ADAM18: variants seen among roughly 807,000 people sequenced by gnomAD.
ADAM18 encodes the protein disintegrin and metalloproteinase domain-containing protein 18.
ADAM18 carries 117 observed loss-of-function variants against 94.4 expected under a neutral mutation model. The ratio of observed to expected loss-of-function variants is 1.24; its 90% CI spans 1.07 to 1.45. The LOEUF is 1.45. ADAM18 is among the 40% of genes most tolerant of loss of function. The pLI is 0.00. For missense variants in ADAM18, 936 were observed against 880.0 expected (o/e 1.06, Z -0.81); for synonymous variants, 327 against 291.6 (o/e 1.12, Z -1.24).
At chr8:39,624,837 A>G (rs1034551912) in intron 6 of ADAM18, among the ~76,000 whole-genome samples, 2 of 152,204 alleles carry the variant, frequency 1.3e-5, no homozygotes, top group African/African-American at 4.8e-5. Context: ...CATGTAAGAC[A>G]TGCCTGCTTT....
At chr8:39,694,623 G>A (rs1821872813) in intron 17 of ADAM18, among the ~76,000 whole-genome samples, 1 of 151,382 alleles carries the variant, frequency 6.6e-6, no homozygotes. Flanking sequence ...ATTTTTCAGA[G>A]CAACGTTTGG....
intron 19 of ADAM18, among the ~76,000 whole-genome samples, chr8:39,727,515 T>C (rs890419552): frequency 2.6e-5 from 4 of 152,210 alleles, no homozygotes; most frequent in Admixed American, 2.6e-4. Flanking sequence ...ATATCCTATA[T>C]GGTCATCTTT....
At chr8:39,710,937 G>C (rs1357710047) in intron 18 of ADAM18, among the ~76,000 whole-genome samples, 1 of 152,196 alleles carries the variant, frequency 6.6e-6, no homozygotes, top group African/African-American at 2.4e-5. Context: ...AAGATAATGA[G>C]CTGTCACCTG....
At chr8:39,645,575 C>A in intron 11 of ADAM18, 101 bp downstream of exon 11, 1 of 1,122,216 alleles carries the variant, frequency 8.9e-7, no homozygotes, top group Non-Finnish European at 1.3e-6. Context: ...ACATCAATGG[C>A]TAGAAAGTTA....
intron 14 of ADAM18, among the ~76,000 whole-genome samples, chr8:39,676,363 C>T (rs942436472): frequency 6.6e-6 from 1 of 152,260 alleles, no homozygotes; most frequent in South Asian, 2.1e-4. Context: ...GCTGATACCC[C>T]TCCCCCAGCC....
At chr8:39,617,746 C>T (rs1317069305) in intron 6 of ADAM18, among the ~76,000 whole-genome samples, 1 of 151,648 alleles carries the variant, frequency 6.6e-6, no homozygotes, top group Non-Finnish European at 1.5e-5. Context: ...AATAGTAACT[C>T]AAATACCACA....
chr8:39,649,170 A>G (rs1368478852), intron 12 of ADAM18, among the ~76,000 whole-genome samples: 1 of 152,104 alleles, frequency 6.6e-6, no homozygotes, highest in Admixed American at 6.6e-5. Flanking sequence ...TTATCCCCCA[A>G]CAGTTACACG....
Position 39,663,886 on chromosome 8 carries a change from G to A in ADAM18, c.1322G>A (p.Cys441Tyr). 1.2e-6 allele frequency: 2 copies of A among 1,607,776 alleles called. No individual in the cohort carries two copies. Among genetic ancestry groups the A allele is most frequent in the Non-Finnish European group, 1.7e-6 (2 of 1,177,042 alleles). ...TCTGGACCATGTTGTACATCAAAGT[G>A]TGAGGTAAGTTACTAACATTCATTA... ...CGSGPCCTSK[C>Y]ELSIAGTPCR... Residue 441 changes from cysteine to tyrosine, a missense_variant, in exon 13 of 20, where the codon TGT becomes TAT. Physicochemically the swap from Cys to Tyr is radical, Grantham distance 194. Coordinates refer to ENST00000265707, the MANE Select transcript of ADAM18 (RefSeq NM_014237.3).
chr8:39,585,201 A>G (rs2129457840), intron 1 of ADAM18, 75 bp from the exon 2 acceptor site: 1 of 1,215,692 alleles, frequency 8.2e-7, no homozygotes, highest in East Asian at 2.4e-5. Flanking sequence ...GCAGTCCGGG[A>G]TAAGAACCCG....
intron 14 of ADAM18, among the ~76,000 whole-genome samples, chr8:39,676,402 A>G (rs1821302662): frequency 1.3e-5 from 2 of 152,158 alleles, no homozygotes; most frequent in Non-Finnish European, 2.9e-5. Context: ...TTGATCTCAG[A>G]CTGCTGCGCT....
At chr8:39,619,276 CAAAG>C (rs1328804266) in intron 6 of ADAM18, among the ~76,000 whole-genome samples, 1 of 151,596 alleles carries the variant, frequency 6.6e-6, no homozygotes, top group Admixed American at 6.6e-5. Context: ...ATAAAATCAA[CAAAG>C]AAATACCACG....
chr8:39,709,677 T>A (rs1822342627), intron 18 of ADAM18, among the ~76,000 whole-genome samples: 1 of 152,224 alleles, frequency 6.6e-6, no homozygotes, highest in Admixed American at 6.5e-5. Context: ...GATTCACATT[T>A]TATAAAGTCC....
At chr8:39,714,199 A>G (rs1822503777) in intron 18 of ADAM18, among the ~76,000 whole-genome samples, 1 of 152,138 alleles carries the variant, frequency 6.6e-6, no homozygotes, top group Non-Finnish European at 1.5e-5. Flanking sequence ...ACAGAAAACC[A>G]AGCACTGCAT....
intron 6 of ADAM18, among the ~76,000 whole-genome samples, chr8:39,626,061 G>GT (rs1819759797): frequency 6.6e-6 from 1 of 152,088 alleles, no homozygotes; most frequent in Non-Finnish European, 1.5e-5. Context: ...TTCTTTGGCA[G>GT]TTTTTTAAAA....
intron 7 of ADAM18, among the ~76,000 whole-genome samples, chr8:39,635,459 T>C (rs1820050785): frequency 1.3e-5 from 2 of 152,188 alleles, no homozygotes; most frequent in South Asian, 4.1e-4. Flanking sequence ...GAAAGAACTT[T>C]AGACTTACAT....
intron 10 of ADAM18, among the ~76,000 whole-genome samples, chr8:39,644,822 A>C (rs529706257): frequency 1.3e-5 from 2 of 152,116 alleles, no homozygotes; most frequent in African/African-American, 4.8e-5. Flanking sequence ...AAAATTTTCT[A>C]TTGGAGTACT....
chr8:39,682,360 C>T (rs1297506009), intron 16 of ADAM18, among the ~76,000 whole-genome samples: 20 of 152,022 alleles, frequency 1.3e-4, no homozygotes, highest in African/African-American at 1.9e-4. Flanking sequence ...TTTGAGAAAC[C>T]GCCAGTAAAG....
intron 6 of ADAM18, among the ~76,000 whole-genome samples, chr8:39,625,225 G>A (rs1213432458): frequency 6.6e-6 from 1 of 151,978 alleles, no homozygotes; most frequent in African/African-American, 2.4e-5. Context: ...GTGTTCTGTA[G>A]TTTTTCTTGT....
In ADAM18 at chr8:39,598,268, A is replaced by G. The variant is rs904086460; in HGVS notation, c.133-8039A>G. Among the ~76,000 whole-genome samples the G allele has an allele frequency of 5.9e-5, 9 of 151,818 alleles. 1 individual carries two copies. Among genetic ancestry groups the G allele is most frequent in the South Asian group, 2.1e-4 (1 of 4,818 alleles). On this transcript the variant is annotated intron_variant, in intron 2 of 19. Transcript: ENST00000265707. ...AATCTAGTATACCTTTTCTTATTGC[A>G]TTGGCTAGGACTGGTAGTGTGATGT...
Sources: gnomAD v4.1 joint callset for allele counts (sites outside exome capture counted in the v4.1 genomes callset) on GRCh38, gnomAD v4.1.1 for gene constraint, MANE v1.5 for transcripts, NCBI Gene and HGNC (gene_info 2026-07-23, HGNC 2026-07-21) for gene names.